Variants in NECAB1 observed in about 807,000 individuals in gnomAD.
NECAB1 encodes the protein N-terminal EF-hand calcium binding protein 1.
In NECAB1, 29 loss-of-function variants were observed where a neutral mutation model predicts 57.5. The observed-to-expected ratio is 0.50, with a 90% CI of 0.38 to 0.69. The LOEUF (loss-of-function observed/expected upper bound fraction) is 0.69. NECAB1 is among the 30% of genes least tolerant of loss of function. NECAB1 has a pLI of 0.00. For synonymous variants in NECAB1, 142 were observed against 147.7 expected (o/e 0.96, Z 0.28); for missense variants, 372 against 413.8 (o/e 0.90, Z 0.88).
At chr8:90,859,503 G>C (rs1001984775) in intron 3 of NECAB1, among the ~76,000 whole-genome samples, 1 of 152,128 alleles carries the variant, frequency 6.6e-6, no homozygotes, top group Non-Finnish European at 1.5e-5. Flanking sequence ...AAGAGGAGTA[G>C]GTCAACAAGA....
At chr8:90,853,394 G>A (rs1427835244) in intron 3 of NECAB1, among the ~76,000 whole-genome samples, 1 of 152,222 alleles carries the variant, frequency 6.6e-6, no homozygotes, top group East Asian at 1.9e-4. Flanking sequence ...GCAGAAATAA[G>A]TGGAATGTTA....
intron 2 of NECAB1, among the ~76,000 whole-genome samples, chr8:90,813,521 TTTA>T (rs1489513838): frequency 3.9e-5 from 6 of 152,142 alleles, no homozygotes; most frequent in Non-Finnish European, 8.8e-5. Context: ...ATTTTCATGT[TTTA>T]TTATTATCAT....
chr8:90,802,889 TTTTTG>T (rs111381408), intron 2 of NECAB1, among the ~76,000 whole-genome samples: 56 of 152,152 alleles, frequency 3.7e-4, no homozygotes, highest in Admixed American at 1.5e-3. Flanking sequence ...GTTTTTGGGT[TTTTTG>T]TTTTGTTTTG....
intron 5 of NECAB1, among the ~76,000 whole-genome samples, chr8:90,901,775 C>T (rs187824530): frequency 6.6e-6 from 1 of 152,252 alleles, no homozygotes; most frequent in East Asian, 1.9e-4. Context: ...AATAGTATCG[C>T]TCTCTCACAC....
chr8:90,803,062 AATTTTTGT>A (rs1318702123), intron 2 of NECAB1, among the ~76,000 whole-genome samples: 1 of 151,962 alleles, frequency 6.6e-6, no homozygotes, highest in African/African-American at 2.4e-5. Context: ...ACACCCGGCT[AATTTTTGT>A]ATTTTTAGTA....
intron 9 of NECAB1, among the ~76,000 whole-genome samples, chr8:90,936,939 C>T (rs534542047): frequency 3.6e-4 from 55 of 152,084 alleles, no homozygotes; most frequent in Non-Finnish European, 3.7e-4. Context: ...TCTAATTTTA[C>T]GTATCAGAAG....
At chr8:90,826,549 G>T (rs1394265606) in intron 3 of NECAB1, among the ~76,000 whole-genome samples, 1 of 151,874 alleles carries the variant, frequency 6.6e-6, no homozygotes, top group Non-Finnish European at 1.5e-5. Flanking sequence ...TTAGGTGTTG[G>T]ACGTTGAGAT....
At chr8:90,824,094 G>A (rs10105642) in intron 2 of NECAB1, among the ~76,000 whole-genome samples, 2,200 of 151,664 alleles carry the variant, frequency 0.015, 19 homozygotes, top group Non-Finnish European at 0.023. Context: ...TGCATTAACC[G>A]TATTTTACTG....
chr8:90,834,742 T>C, intron 3 of NECAB1, among the ~76,000 whole-genome samples: 1 of 152,142 alleles, frequency 6.6e-6, no homozygotes, highest in South Asian at 2.1e-4. Flanking sequence ...GAGCATAAAA[T>C]ATCTGAAACC....
intron 5 of NECAB1, among the ~76,000 whole-genome samples, chr8:90,885,027 A>G (rs913052149): frequency 1.3e-5 from 2 of 152,206 alleles, no homozygotes; most frequent in Non-Finnish European, 2.9e-5. Flanking sequence ...ACTCTGCAGT[A>G]CCTACTTCCT....
intron 1 of NECAB1, among the ~76,000 whole-genome samples, chr8:90,796,097 A>G (rs1327859517): frequency 6.6e-6 from 1 of 152,308 alleles, no homozygotes; most frequent in East Asian, 1.9e-4. Flanking sequence ...AGATGAAAAT[A>G]TGTGCACTGA....
chr8:90,876,146 T>C (rs1172454163), intron 4 of NECAB1, among the ~76,000 whole-genome samples: 5 of 152,186 alleles, frequency 3.3e-5, no homozygotes, highest in African/African-American at 7.2e-5. Flanking sequence ...GCTGCAGAGA[T>C]TGGCAGAGCC....
chr8:90,881,580 C>T (rs112291703), intron 5 of NECAB1, among the ~76,000 whole-genome samples: 1,559 of 152,210 alleles, frequency 0.01, 21 homozygotes, highest in African/African-American at 0.035. Context: ...GCGCTTCCTC[C>T]GCCCCTCTCC....
intron 2 of NECAB1, among the ~76,000 whole-genome samples, chr8:90,810,727 C>T (rs759381233): frequency 3.9e-5 from 6 of 151,960 alleles, no homozygotes; most frequent in Admixed American, 2.0e-4. Context: ...CAAAATTTTA[C>T]GTTACTAGGA....
intron 6 of NECAB1, among the ~76,000 whole-genome samples, chr8:90,924,002 C>A (rs1050601257): frequency 6.6e-6 from 1 of 152,126 alleles, no homozygotes; most frequent in South Asian, 2.1e-4. Context: ...TTTGATAGAA[C>A]AGATCAAGAG....
intron 4 of NECAB1, among the ~76,000 whole-genome samples, chr8:90,879,018 AAT>A (rs1016712411): frequency 6.2e-4 from 89 of 142,678 alleles, no homozygotes; most frequent in African/African-American, 2.2e-3. Flanking sequence ...TATTATATAT[AAT>A]ATATATTATA....
intron 3 of NECAB1, among the ~76,000 whole-genome samples, chr8:90,835,429 AGGAGTTTGGGTG>A (rs879553650): frequency 6.6e-6 from 1 of 152,136 alleles, no homozygotes; most frequent in Non-Finnish European, 1.5e-5. Context: ...TCTGTCTATG[AGGAGTTTGGGTG>A]GTCATTTCCT....
chr8:90,809,257 T>A (rs1259028095), intron 2 of NECAB1, among the ~76,000 whole-genome samples: 1 of 152,184 alleles, frequency 6.6e-6, no homozygotes, highest in Non-Finnish European at 1.5e-5. Flanking sequence ...AACCAAAAGT[T>A]TCAGAGGCTT....
chr8:90,858,321 A>G (rs1005844268), intron 3 of NECAB1, among the ~76,000 whole-genome samples: 4 of 152,194 alleles, frequency 2.6e-5, no homozygotes, highest in African/African-American at 9.7e-5. Flanking sequence ...GAGTAATCCA[A>G]GGAAGTCCCC....
Sources: allele counts gnomAD v4.1 joint callset (sites outside exome capture counted in the v4.1 genomes callset), GRCh38; gene constraint gnomAD v4.1.1; transcripts MANE v1.5; gene names NCBI Gene and HGNC (gene_info 2026-07-23, HGNC 2026-07-21).